MYSM1: variants seen among roughly 807,000 people sequenced by gnomAD.
MYSM1 encodes the protein deubiquitinase MYSM1.
MYSM1 carries 51 observed loss-of-function variants against 116.0 expected under a neutral mutation model. That is an observed-to-expected ratio of 0.44 (90% CI 0.35 to 0.56). The LOEUF is 0.56. Among genes scored for constraint, MYSM1 ranks in the 20% least tolerant of loss-of-function variants. MYSM1 has a pLI of 0.00. For synonymous variants in MYSM1, 313 were observed against 315.2 expected, an observed-to-expected ratio of 0.99 and a Z score of 0.07; for missense variants, 900 against 974.9, an observed-to-expected ratio of 0.92 and a Z score of 1.02.
At position 58,680,794 on chromosome 1, in the gene MYSM1, C is replaced by A. The variant is rs531711213; in HGVS notation, c.1259+991G>T. Among the ~76,000 whole-genome samples the A allele has an allele frequency of 1.2e-4, 18 of 151,836 alleles. 1 individual carries two copies. In the South Asian group the frequency reaches 3.7e-3, roughly 31 times the overall value. On this transcript the variant is annotated intron_variant, in intron 8 of 19. Transcript: ENST00000472487. ...CTATACAATTTGATAGCTTCTGAAA[C>A]AGAATTAGCAATTATGATTTTTAAA...
chr1:58,673,609 C>A lies in MYSM1; in HGVS notation c.1536G>T (p.Trp512Cys). 2 of 1,614,054 alleles carry A rather than the reference C, an allele frequency of 1.2e-6. No individual in the cohort carries two copies. The highest frequency in any genetic ancestry group is 2.2e-5 in the South Asian group (2 of 91,080). Residue 512 changes from tryptophan (W) to cysteine (C), a missense_variant, in exon 11 of 20, where the codon TGG becomes TGT. Coordinates refer to ENST00000472487, the MANE Select transcript of MYSM1 (RefSeq NM_001085487.3). ...RRRVRDPWGN[W>C]CDAKDLEGQT... is the part of the protein sequence containing the mutation. Reference sequence around the variant, plus strand: ...GTCCTTCTAAGTCCTTTGCATCACACCAGTTTCCCCATGGGTCTCGGACCC... The same window carrying A: ...GTCCTTCTAAGTCCTTTGCATCACAACAGTTTCCCCATGGGTCTCGGACCC...
intron 1 of MYSM1, among the ~76,000 whole-genome samples, chr1:58,697,301 A>G (rs1644989580): frequency 6.6e-6 from 1 of 152,240 alleles, no homozygotes; most frequent in Non-Finnish European, 1.5e-5. Context: ...CTTGTGAGAC[A>G]TCCAGGTACA....
intron 2 of MYSM1, 86 bp downstream of exon 2, chr1:58,695,043 C>A (rs897520032): frequency 4.6e-6 from 3 of 645,958 alleles, no homozygotes; most frequent in Admixed American, 2.9e-5. Context: ...TGAGAACTAG[C>A]ACTAAGTTTA....
Position 58,699,965 on chromosome 1 carries a change from A to C in MYSM1, c.68+20T>G, listed in dbSNP as rs951481220. 2.9e-5 allele frequency: 47 copies of C among 1,613,016 alleles called. No homozygotes were observed. The highest frequency in any genetic ancestry group is 4.0e-5 in the Non-Finnish European group (47 of 1,179,860). On this transcript the variant is annotated intron_variant, in intron 1 of 19. Coordinates refer to ENST00000472487, the MANE Select transcript of MYSM1 (RefSeq NM_001085487.3). ...CCACTCCCCTCTCCGCCCCAGAGAG[A>C]CCCGGTCTCTAAGCCTCACCCTGGC...
Position 58,661,199 on chromosome 1 carries a change from G to C in MYSM1, c.2299C>G (p.Arg767Gly). The C allele has an allele frequency of 1.9e-6, 3 of 1,613,186 alleles. No individual in the cohort carries two copies. Among genetic ancestry groups the C allele is most frequent in the Non-Finnish European group, 2.5e-6 (3 of 1,179,382 alleles). Residue 767 changes from arginine (R) to glycine (G), a missense_variant, in exon 19 of 20, where the codon CGG (arginine) becomes GGG (glycine). By Grantham distance (125) the Arg-to-Gly change is moderately radical. Transcript: ENST00000472487. Reference sequence around the variant, plus strand: ...TGCAAACAAGTCAGGTCAGAATCCCGGCGAAAGATTTTATCCATGGGGACG... The same window carrying C: ...TGCAAACAAGTCAGGTCAGAATCCCCGCGAAAGATTTTATCCATGGGGACG... ...SSVPMDKIFR[R>G]DSDLTCLQKL...
chr1:58,698,900 A>G (rs1038470870), intron 1 of MYSM1, among the ~76,000 whole-genome samples: 32 of 152,190 alleles, frequency 2.1e-4, no homozygotes, highest in Non-Finnish European at 4.4e-4. Flanking sequence ...ACACTATCTT[A>G]GTGCCTCAAG....
At chr1:58,667,571 C>T (rs1338875774) in intron 15 of MYSM1, among the ~76,000 whole-genome samples, 1 of 151,524 alleles carries the variant, frequency 6.6e-6, no homozygotes, top group Non-Finnish European at 1.5e-5. Flanking sequence ...GTGTTAGTAC[C>T]TGTTTCTGGC....
At chr1:58,698,084 C>CTCTATATATATA (rs1443443579) in intron 1 of MYSM1, among the ~76,000 whole-genome samples, 1 of 31,412 alleles carries the variant, frequency 3.2e-5, no homozygotes, top group African/African-American at 1.3e-4. Flanking sequence ...ATTTATCAGA[C>CTCTATATATATA]TATATATATA....
At chr1:58,669,969 A>G (rs1164269617) in intron 12 of MYSM1, among the ~76,000 whole-genome samples, 2 of 152,152 alleles carry the variant, frequency 1.3e-5, no homozygotes, top group Admixed American at 1.3e-4. Flanking sequence ...CTTGAGAACT[A>G]TATTAAGAAC....
chr1:58,666,741 G>C (rs959971273), intron 16 of MYSM1, among the ~76,000 whole-genome samples: 8 of 151,556 alleles, frequency 5.3e-5, no homozygotes, highest in African/African-American at 1.9e-4. Context: ...AGGCGTGGTG[G>C]TGCACGCCTG....
chr1:58,688,138 TC>T (rs1644855412), intron 6 of MYSM1, among the ~76,000 whole-genome samples: 1 of 151,790 alleles, frequency 6.6e-6, no homozygotes, highest in Admixed American at 6.6e-5. Context: ...TAGGAACAAG[TC>T]TTGAAGAGAT....
At chr1:58,688,194 A>T (rs1400229342) in intron 6 of MYSM1, among the ~76,000 whole-genome samples, 1 of 152,056 alleles carries the variant, frequency 6.6e-6, no homozygotes, top group Non-Finnish European at 1.5e-5. Context: ...AATATCATAC[A>T]GTATACAGAT....
At position 58,667,224 on chromosome 1, in the gene MYSM1, G is replaced by T; in HGVS notation, c.1845C>A (p.Val615=). 1 of 1,556,208 alleles carries T rather than the reference G, an allele frequency of 6.4e-7. No homozygotes were observed. The highest frequency in any genetic ancestry group is 1.2e-5 in the South Asian group (1 of 81,134). The change falls in exon 16 of 20, where the codon GTC becomes GTA. Residue 615 remains valine, a splice_region_variant and synonymous_variant. Coordinates refer to ENST00000472487, the MANE Select transcript of MYSM1 (RefSeq NM_001085487.3). The part of the protein sequence containing the change: ...RYSEVDKVVE[V]CAAEPCNSLS... The stretch of plus-strand genomic sequence containing the variant: ...GACTGTTACATGGTTCTGCTGCACA[G>T]ACCTATAAACGATTGATCCTCAAAT...
intron 7 of MYSM1, among the ~76,000 whole-genome samples, chr1:58,683,913 T>G (rs1644785502): frequency 6.6e-6 from 1 of 152,162 alleles, no homozygotes; most frequent in African/African-American, 2.4e-5. Flanking sequence ...TGTTACAATA[T>G]GAAAAATGTA....
intron 1 of MYSM1, among the ~76,000 whole-genome samples, chr1:58,698,102 A>ATATATATATATTTTTTTTT: frequency 7.7e-4 from 6 of 7,768 alleles, no homozygotes; most frequent in African/African-American, 1.5e-3. Flanking sequence ...ATATATATAT[A>ATATATATATATTTTTTTTT]TTTTTTTTTT....
intron 12 of MYSM1, among the ~76,000 whole-genome samples, chr1:58,669,836 CAAAAAAAA>C (rs58828009): frequency 5.5e-4 from 8 of 14,610 alleles, no homozygotes; most frequent in African/African-American, 2.1e-3. Context: ...ACCCTGTCTC[CAAAAAAAA>C]AAAAAAAAAA....
In MYSM1 at chr1:58,655,890, T is replaced by C. The variant is rs758029984; in HGVS notation, c.*4107A>G. 5.3e-5 allele frequency: 8 copies of C among 152,138 alleles called. No individual in the cohort carries two copies. The highest frequency in any genetic ancestry group is 3.9e-4 in the Admixed American group (6 of 15,264). 9.4% of individuals were successfully genotyped at this position (152,138 alleles called of 1,614,324 possible). A position where few individuals can be genotyped will look rare whatever the true frequency, so the allele number is the denominator to read the frequency against. On this transcript the variant is annotated 3_prime_UTR_variant, in exon 20 of 20. Transcript: ENST00000472487. The stretch of plus-strand genomic sequence containing the variant: ...CTAAATACCATATATTGGTAGAGTA[T>C]AGGTGAAAAAAAAAATAAAATTTGG...
intron 6 of MYSM1, among the ~76,000 whole-genome samples, chr1:58,686,491 C>G (rs1042201587): frequency 3.3e-5 from 5 of 152,156 alleles, no homozygotes; most frequent in Admixed American, 1.3e-4. Flanking sequence ...GGCAGTCATG[C>G]CTTACGGTAG....
In MYSM1 at chr1:58,656,272, T is replaced by A. The variant is rs1184802806; in HGVS notation, c.*3725A>T. 2 of 152,236 alleles carry A rather than the reference T, an allele frequency of 1.3e-5. No homozygotes were observed. The highest frequency in any genetic ancestry group is 2.9e-5 in the Non-Finnish European group (2 of 68,076). 9.4% of individuals were successfully genotyped at this position (152,236 alleles called of 1,614,324 possible). On this transcript the variant is annotated 3_prime_UTR_variant, in exon 20 of 20. Transcript: ENST00000472487. ...GGAAGGAATGGTATGGACAGAAGAC[T>A]GGGAGCAGCATTAAATAGCTTCATG...
Sources: gnomAD v4.1 joint callset for allele counts (sites outside exome capture counted in the v4.1 genomes callset) on GRCh38, gnomAD v4.1.1 for gene constraint, MANE v1.5 for transcripts, NCBI Gene and HGNC (gene_info 2026-07-23, HGNC 2026-07-21) for gene names.